AUTS2: variants seen among roughly 807,000 people sequenced by gnomAD.
The protein encoded by AUTS2 is autism susceptibility gene 2 protein.
In AUTS2, 17 loss-of-function variants were observed where a neutral mutation model predicts 112.4. The observed-to-expected ratio is 0.15, with a 90% confidence interval of 0.10 to 0.23. The LOEUF (loss-of-function observed/expected upper bound fraction) is 0.23. Among genes scored for constraint, AUTS2 ranks in the 10% least tolerant of loss-of-function variants. AUTS2 has a pLI of 1.00. For missense variants in AUTS2, 1,510 were observed against 1,701.6 expected, an observed-to-expected ratio of 0.89 and a Z score of 1.98; for synonymous variants, 751 against 702.7, an observed-to-expected ratio of 1.07 and a Z score of -1.09.
intron 4 of AUTS2, among the ~76,000 whole-genome samples, chr7:70,387,756 T>C (rs1003027626): frequency 3.3e-5 from 5 of 152,220 alleles, no homozygotes; most frequent in African/African-American, 1.2e-4. Flanking sequence ...GCTGTATTTC[T>C]TCATCCATCG....
chr7:70,072,490 G>A (rs906872550), intron 2 of AUTS2, among the ~76,000 whole-genome samples: 1 of 152,188 alleles, frequency 6.6e-6, no homozygotes, highest in Non-Finnish European at 1.5e-5. Flanking sequence ...CTTGGTTCAA[G>A]CCTTTGACCT....
chr7:70,601,191 T>G (rs1319087257), intron 5 of AUTS2, among the ~76,000 whole-genome samples: 1 of 152,250 alleles, frequency 6.6e-6, no homozygotes, highest in African/African-American at 2.4e-5. Context: ...TGTTAATATC[T>G]GTCCTTTTTA....
chr7:70,684,875 C>T (rs1036782435), intron 5 of AUTS2, among the ~76,000 whole-genome samples: 3 of 152,220 alleles, frequency 2.0e-5, no homozygotes, highest in South Asian at 4.2e-4. Context: ...TAAGAGCAAA[C>T]GACATTATAA....
chr7:70,398,980 CTTTTTTTT>C (rs1184257368), intron 4 of AUTS2, among the ~76,000 whole-genome samples: 1 of 130,638 alleles, frequency 7.7e-6, no homozygotes, highest in African/African-American at 2.8e-5. Context: ...TATGGTCTTT[CTTTTTTTT>C]TTTTTTTTTT....
intron 2 of AUTS2, among the ~76,000 whole-genome samples, chr7:69,995,349 A>T (rs1798901775): frequency 6.6e-6 from 1 of 152,230 alleles, no homozygotes; most frequent in African/African-American, 2.4e-5. Context: ...TCATTTACAC[A>T]GTAATTCAAC....
At chr7:70,244,404 A>G (rs1043162968) in intron 4 of AUTS2, among the ~76,000 whole-genome samples, 1 of 152,216 alleles carries the variant, frequency 6.6e-6, no homozygotes, top group African/African-American at 2.4e-5. Context: ...CATATACACT[A>G]TCTTTAAAAA....
At chr7:69,774,597 A>G (rs761155674) in intron 1 of AUTS2, among the ~76,000 whole-genome samples, 3 of 152,228 alleles carry the variant, frequency 2.0e-5, no homozygotes, top group Admixed American at 6.5e-5. Context: ...TATTTTAAAC[A>G]ACAAAAATAG....
chr7:69,682,829 C>G (rs1176570785), intron 1 of AUTS2, among the ~76,000 whole-genome samples: 5 of 152,146 alleles, frequency 3.3e-5, no homozygotes, highest in Non-Finnish European at 7.3e-5. Context: ...GTGTGGCCTG[C>G]AGTCCCAGCA....
chr7:70,784,498 C>A (rs1197950517), intron 15 of AUTS2: 1 of 155,778 alleles, frequency 6.4e-6, no homozygotes, highest in Non-Finnish European at 1.4e-5. Context: ...AGCCTATAAG[C>A]TTATTAATAA....
At chr7:69,966,960 A>G (rs1797656419) in intron 2 of AUTS2, among the ~76,000 whole-genome samples, 1 of 152,194 alleles carries the variant, frequency 6.6e-6, no homozygotes, top group African/African-American at 2.4e-5. Flanking sequence ...TGTCAGCAAG[A>G]CCACGTAAGG....
intron 4 of AUTS2, among the ~76,000 whole-genome samples, chr7:70,228,471 T>C (rs183956448): frequency 2.2e-4 from 34 of 152,030 alleles, no homozygotes; most frequent in Admixed American, 1.9e-3. Flanking sequence ...GATTTTCATC[T>C]TTTTTTGTTC....
intron 4 of AUTS2, among the ~76,000 whole-genome samples, chr7:70,422,751 G>C (rs1795276579): frequency 6.6e-6 from 1 of 152,072 alleles, no homozygotes; most frequent in African/African-American, 2.4e-5. Flanking sequence ...GCTCCAGCCT[G>C]GGCAACAGAG....
chr7:70,543,068 C>T (rs1408546519), intron 5 of AUTS2, among the ~76,000 whole-genome samples: 3 of 152,154 alleles, frequency 2.0e-5, no homozygotes, highest in Non-Finnish European at 4.4e-5. Context: ...CCAAAAGTCC[C>T]TAGGCTTAAA....
intron 2 of AUTS2, among the ~76,000 whole-genome samples, chr7:70,044,317 T>C (rs2129558317): frequency 6.6e-6 from 1 of 152,356 alleles, no homozygotes; most frequent in East Asian, 1.9e-4. Context: ...TTATGTGCTA[T>C]AATTCTTTGC....
chr7:69,849,108 G>C (rs1381681512), intron 1 of AUTS2, among the ~76,000 whole-genome samples: 1 of 152,178 alleles, frequency 6.6e-6, no homozygotes, highest in Non-Finnish European at 1.5e-5. Flanking sequence ...CCTGAGTTCA[G>C]GAGTTTGAGG....
chr7:69,890,795 T>G (rs1794486636), intron 1 of AUTS2, among the ~76,000 whole-genome samples: 1 of 152,240 alleles, frequency 6.6e-6, no homozygotes, highest in Middle Eastern at 3.4e-3. Flanking sequence ...CTGAGTTGTC[T>G]CCAGTGGAAA....
At chr7:69,815,189 C>G (rs1046048935) in intron 1 of AUTS2, among the ~76,000 whole-genome samples, 2 of 152,164 alleles carry the variant, frequency 1.3e-5, no homozygotes, top group Non-Finnish European at 2.9e-5. Context: ...TGCTCCATAG[C>G]TAGAAAATGG....
rs749954081 is a variant in AUTS2, at chr7:70,786,013, C to T, written c.2283C>T (p.Phe761=). ...TAGCAGCAGTTGGTGGCAATGCCTT[C>T]GGGGGACTTGGAAATCCTTCCGTTA... The part of the protein sequence containing the change: ...TGLAAVGGNA[F]GGLGNPSVTP... Residue 761 remains phenylalanine (F), a synonymous_variant, in exon 17 of 19, where the codon TTC becomes TTT. Transcript: ENST00000342771. 9.9e-6 allele frequency: 16 copies of T among 1,613,968 alleles called. No homozygotes were observed. The highest frequency in any genetic ancestry group is 9.9e-5 in the South Asian group (9 of 91,078).
chr7:70,483,482 G>T lies in AUTS2; in HGVS notation c.690+47701G>T, dbSNP rs566451369. 1.7e-3 allele frequency among the ~76,000 whole-genome samples: 266 copies of T among 152,274 alleles called. 1 individual carries two copies. The highest frequency in any genetic ancestry group is 6.0e-3 in the African/African-American group (251 of 41,544). ...AGTCCAGCTTCTGTTTCCCCCATTT[G>T]GTCCTGATTTTCGAAGTGAAGGGGA... is the stretch of plus-strand genomic sequence containing the variant. On this transcript the variant is annotated intron_variant, in intron 5 of 18. Coordinates refer to ENST00000342771, the MANE Select transcript of AUTS2 (RefSeq NM_015570.4).
Sources: allele counts gnomAD v4.1 joint callset (sites outside exome capture counted in the v4.1 genomes callset), GRCh38; gene constraint gnomAD v4.1.1; transcripts MANE v1.5; gene names NCBI Gene and HGNC (gene_info 2026-07-23, HGNC 2026-07-21).